The following KSR1 variants were observed in gnomAD, a reference collection of about 807,000 sequenced individuals.
KSR1 encodes kinase suppressor of ras.
A neutral mutation model predicts 92.9 loss-of-function variants in KSR1; 35 were observed. That is an observed-to-expected ratio of 0.38 (90% confidence interval 0.29 to 0.50). KSR1 has a LOEUF of 0.50. KSR1 is among the 20% of genes least tolerant of loss of function. The pLI, the probability that KSR1 is intolerant of heterozygous loss-of-function variation, is 0.94. For missense variants in KSR1, 972 were observed against 1,158.5 expected, an observed-to-expected ratio of 0.84 and a Z score of 2.34; for synonymous variants, 467 against 472.6, an observed-to-expected ratio of 0.99 and a Z score of 0.15.
At chr17:27,471,075 G>C (rs2019974631) in intron 1 of KSR1, among the ~76,000 whole-genome samples, 1 of 152,096 alleles carries the variant, frequency 6.6e-6, no homozygotes, top group Non-Finnish European at 1.5e-5. Flanking sequence ...TGCCATGTTG[G>C]CCAGGCTGGT....
Position 27,528,272 on chromosome 17 carries a change from G to A in KSR1, c.232-22296G>A, listed in dbSNP as rs146036502. 4.7e-3 allele frequency among the ~76,000 whole-genome samples: 716 copies of A among 152,058 alleles called. 7 individuals are homozygous for A. The highest frequency in any genetic ancestry group is 0.016 in the African/African-American group (672 of 41,512). ...AGTAGAGAGAGGGTGTCACCATGTTGGCCAGGCTGGTCTCAAACTCCTGAC... is the reference window on the plus strand; with the variant it reads ...AGTAGAGAGAGGGTGTCACCATGTTAGCCAGGCTGGTCTCAAACTCCTGAC... On this transcript the variant is annotated intron_variant, in intron 1 of 20. Transcript: ENST00000644974.
chr17:27,497,161 A>G (rs1014588096), intron 1 of KSR1, among the ~76,000 whole-genome samples: 1 of 152,240 alleles, frequency 6.6e-6, no homozygotes, highest in African/African-American at 2.4e-5. Flanking sequence ...ATGAGACAGC[A>G]GACGTTCCCA....
chr17:27,564,249 C>G (rs2071966740), intron 2 of KSR1, among the ~76,000 whole-genome samples: 1 of 152,148 alleles, frequency 6.6e-6, no homozygotes. Flanking sequence ...CCTCGGCCTC[C>G]CAAAGTGTTG....
chr17:27,475,491 G>A (rs533871107), intron 1 of KSR1, among the ~76,000 whole-genome samples: 2 of 152,290 alleles, frequency 1.3e-5, no homozygotes, highest in South Asian at 4.1e-4. Context: ...GCAGGCTGAG[G>A]CTCTGCCACT....
At chr17:27,509,420 A>G (rs1234784659) in intron 1 of KSR1, among the ~76,000 whole-genome samples, 1 of 151,880 alleles carries the variant, frequency 6.6e-6, no homozygotes, top group Non-Finnish European at 1.5e-5. Context: ...CCTCCCGGGT[A>G]GCTGGGACTA....
rs532615085 is a variant in KSR1, at chr17:27,593,708, G to A, written c.1299+1082G>A. 4.2e-4 allele frequency among the ~76,000 whole-genome samples: 64 copies of A among 152,384 alleles called. 1 individual carries two copies. The highest frequency in any genetic ancestry group is 6.8e-3 in the Middle Eastern group (2 of 294). On this transcript the variant is annotated intron_variant, in intron 9 of 20. Transcript: ENST00000644974. The stretch of plus-strand genomic sequence containing the variant: ...GTGGTAGCTTCTCACCCAGAATGGG[G>A]AGGCAGCGGGAAAGATGATAGGGTC...
Position 27,582,964 on chromosome 17 carries a change from A to G in KSR1, c.839A>G (p.His280Arg), listed in dbSNP as rs1286711805. Reference sequence around the variant, plus strand: ...CCCACCACACCCCAGCTGCGACGGCACACCAAGCTGAAGCCACCACGGACG... The same window carrying G: ...CCCACCACACCCCAGCTGCGACGGCGCACCAAGCTGAAGCCACCACGGACG... ...TPPTTPQLRRHTKLKPPRTPP... is the reference protein window; with the variant it reads ...TPPTTPQLRRRTKLKPPRTPP... The change falls in exon 4 of 21, where the codon CAC (histidine) becomes CGC (arginine). Residue 280 changes from histidine to arginine, a missense_variant. Physicochemically the swap from His to Arg is conservative, Grantham distance 29. Coordinates refer to ENST00000644974, the MANE Select transcript of KSR1 (RefSeq NM_001394583.1). 1 of 1,284,094 alleles carries G rather than the reference A, an allele frequency of 7.8e-7. No individual in the cohort carries two copies. Among genetic ancestry groups the G allele is most frequent in the Non-Finnish European group, 1.0e-6 (1 of 955,464 alleles). 79.5% of individuals were successfully genotyped at this position (1,284,094 alleles called of 1,614,324 possible).
chr17:27,620,117 C>G (rs992358709), intron 19 of KSR1, among the ~76,000 whole-genome samples: 4 of 152,234 alleles, frequency 2.6e-5, no homozygotes, highest in Non-Finnish European at 4.4e-5. Flanking sequence ...TTCACTGATT[C>G]AGGCCAGGTA....
chr17:27,537,368 C>T (rs893189658), intron 1 of KSR1, among the ~76,000 whole-genome samples: 3 of 152,190 alleles, frequency 2.0e-5, no homozygotes, highest in East Asian at 1.9e-4. Context: ...CTCTCTCAGC[C>T]TCAGTTTCCT....
chr17:27,590,945 A>G (rs1196197270), intron 7 of KSR1, 51 bp downstream of exon 7: 2 of 1,474,296 alleles, frequency 1.4e-6, no homozygotes, highest in East Asian at 2.4e-5. Flanking sequence ...TTAGTTCAGT[A>G]AATCAAATGC....
At chr17:27,484,153 G>A (rs905755442) in intron 1 of KSR1, among the ~76,000 whole-genome samples, 4 of 152,196 alleles carry the variant, frequency 2.6e-5, no homozygotes, top group African/African-American at 9.6e-5. Flanking sequence ...TCCCAGTGTT[G>A]GAGGCTCCAG....
chr17:27,618,759 C>T (rs971731660), intron 19 of KSR1, among the ~76,000 whole-genome samples: 1 of 152,224 alleles, frequency 6.6e-6, no homozygotes, highest in Non-Finnish European at 1.5e-5. Flanking sequence ...ATCGCTTCAT[C>T]TCACCCAGGA....
chr17:27,603,751 G>A (rs1330283634), intron 11 of KSR1, 83 bp from the exon 12 acceptor site: 1 of 1,383,012 alleles, frequency 7.2e-7, no homozygotes, highest in African/African-American at 1.4e-5. Context: ...AGCCTCTCTG[G>A]GGGTGCTGGG....
chr17:27,519,207 G>A (rs1159571012), intron 1 of KSR1, among the ~76,000 whole-genome samples: 2 of 152,270 alleles, frequency 1.3e-5, no homozygotes, highest in East Asian at 3.9e-4. Flanking sequence ...CCCTGGGTGT[G>A]GTTCCCTGCA....
chr17:27,464,778 G>A (rs980130099), intron 1 of KSR1, among the ~76,000 whole-genome samples: 8 of 151,134 alleles, frequency 5.3e-5, no homozygotes, highest in Admixed American at 2.0e-4. Flanking sequence ...TGGTTTTCAT[G>A]TCAAGATAAT....
chr17:27,507,338 C>G (rs1436469451), intron 1 of KSR1, among the ~76,000 whole-genome samples: 1 of 151,894 alleles, frequency 6.6e-6, no homozygotes, highest in East Asian at 1.9e-4. Context: ...GAGGCTGAGG[C>G]AGAAGAATTG....
At chr17:27,507,265 T>C (rs1185695909) in intron 1 of KSR1, among the ~76,000 whole-genome samples, 1 of 152,006 alleles carries the variant, frequency 6.6e-6, no homozygotes, top group Non-Finnish European at 1.5e-5. Flanking sequence ...AAACCCCGTC[T>C]CTACTAAAAA....
At chr17:27,485,032 A>G (rs2068624115) in intron 1 of KSR1, among the ~76,000 whole-genome samples, 1 of 152,180 alleles carries the variant, frequency 6.6e-6, no homozygotes, top group Non-Finnish European at 1.5e-5. Context: ...AGTTTCCCCA[A>G]GAGGGTTATT....
intron 1 of KSR1, among the ~76,000 whole-genome samples, chr17:27,475,316 G>A (rs867347571): frequency 2.0e-5 from 3 of 152,326 alleles, no homozygotes; most frequent in African/African-American, 7.2e-5. Context: ...GTGGTGAGAG[G>A]TGCTGTGTTT....
Sources: allele counts gnomAD v4.1 joint callset (sites outside exome capture counted in the v4.1 genomes callset), GRCh38; gene constraint gnomAD v4.1.1; transcripts MANE v1.5; gene names NCBI Gene and HGNC (gene_info 2026-07-23, HGNC 2026-07-21).